MYOM3: variants seen among roughly 807,000 people sequenced by gnomAD.
MYOM3 encodes myomesin 3, also known as myomesin-3.
In MYOM3, 155 loss-of-function variants were observed where a neutral mutation model predicts 191.7. The observed-to-expected ratio is 0.81, with a 90% CI of 0.71 to 0.92. The LOEUF (loss-of-function observed/expected upper bound fraction) is 0.92. Ranked by LOEUF, MYOM3 falls within the 40% of genes least tolerant of loss-of-function variation. The probability of loss-of-function intolerance (pLI) is 0.00; values close to 1 mark genes in which losing one functional copy is unlikely to be tolerated. For synonymous variants in MYOM3, 757 were observed against 762.9 expected (o/e 0.99, Z 0.13); for missense variants, 1,889 against 1,890.6 (o/e 1.00, Z 0.02).
chr1:24,061,586 C>A (rs1013465995), intron 33 of MYOM3, among the ~76,000 whole-genome samples: 8 of 151,758 alleles, frequency 5.3e-5, no homozygotes, highest in Non-Finnish European at 1.2e-4. Context: ...TATTATTATT[C>A]TTTTATTTTT....
intron 16 of MYOM3, 86 bp from the exon 17 acceptor site, chr1:24,082,800 T>C: frequency 6.9e-7 from 1 of 1,455,942 alleles, no homozygotes; most frequent in South Asian, 1.5e-5. Flanking sequence ...GTGGAATAAG[T>C]GGTCACCAGC....
At chr1:24,067,394 C>CT (rs750994689) in intron 27 of MYOM3, among the ~76,000 whole-genome samples, 1 of 35,400 alleles carries the variant, frequency 2.8e-5, no homozygotes, top group Non-Finnish European at 4.8e-5. Context: ...CTTTTTCCTT[C>CT]CTTCCTTCCT....
At chr1:24,089,754 A>G (rs1643792634) in intron 13 of MYOM3, 89 bp from the exon 14 acceptor site, 1 of 1,407,648 alleles carries the variant, frequency 7.1e-7, no homozygotes, top group Admixed American at 2.4e-5. Flanking sequence ...AGGGAACTAC[A>G]CCCCTACCCA....
At chr1:24,108,233 C>T (rs984190269) in intron 2 of MYOM3, 160 bp from the exon 3 acceptor site, 5 of 776,106 alleles carry the variant, frequency 6.4e-6, no homozygotes, top group South Asian at 1.8e-5. Flanking sequence ...TGCATCCCCC[C>T]GACCCTGAAT....
intron 27 of MYOM3, 120 bp from the exon 28 acceptor site, chr1:24,067,208 C>T: frequency 3.1e-6 from 3 of 956,322 alleles, no homozygotes; most frequent in Non-Finnish European, 4.7e-6. Flanking sequence ...TCAGATGCTG[C>T]CTCTGCCAGG....
Position 24,086,765 on chromosome 1 carries a change from T to C in MYOM3, c.1677A>G (p.Arg559=), listed in dbSNP as rs762994879. 13 of 1,614,164 alleles carry C rather than the reference T, an allele frequency of 8.1e-6. No individual in the cohort carries two copies. The highest frequency in any genetic ancestry group is 1.1e-5 in the South Asian group (1 of 91,082). The part of the protein sequence containing the change: ...ISSESPVRSP[R]FAVLDLEKKK... ...TTTTCTCCAGGTCCAGAACGGCGAA[T>C]CTCGGGGATCTCACAGGGCTTTCCG... Residue 559 remains arginine (R), a synonymous_variant, in exon 15 of 37, where the codon AGA becomes AGG. Transcript: ENST00000374434.
intron 2 of MYOM3, 69 bp from the exon 3 acceptor site, chr1:24,108,142 G>A: frequency 3.5e-6 from 5 of 1,445,836 alleles, no homozygotes; most frequent in Non-Finnish European, 4.8e-6. Context: ...GATTAGGGCT[G>A]CATCTGCCCA....
In MYOM3 at chr1:24,084,568, GA is replaced by G. The variant is rs1557609879; in HGVS notation, c.1869del (p.Pro624LeufsTer2). 6.2e-7 allele frequency: 1 copy of G among 1,614,082 alleles called. No individual in the cohort carries two copies. The highest frequency in any genetic ancestry group is 1.7e-5 in the Admixed American group (1 of 60,018). ...DTQTSVSLTW[D>X]PVKDPELLGY... Reference sequence around the variant, plus strand: ...CCCAGGAGCTCTGGGTCTTTCACAGGATCCCATGTCAGGGAGACAGAGGTCT... The same window carrying G: ...CCCAGGAGCTCTGGGTCTTTCACAGGTCCCATGTCAGGGAGACAGAGGTCT... On this transcript the variant is annotated frameshift_variant, in exon 16 of 37. Transcript: ENST00000374434. LOFTEE classifies it high-confidence loss of function.
chr1:24,086,213 A>AG (rs1228512018), intron 15 of MYOM3, among the ~76,000 whole-genome samples: 1 of 152,062 alleles, frequency 6.6e-6, no homozygotes, highest in Non-Finnish European at 1.5e-5. Flanking sequence ...GTCCCCCGTT[A>AG]TGCTGCAGGT....
intron 29 of MYOM3, 132 bp from the exon 30 acceptor site, chr1:24,064,291 C>T (rs1260950439): frequency 1.6e-6 from 1 of 633,712 alleles, no homozygotes; most frequent in Non-Finnish European, 2.7e-6. Context: ...CCTTCTCCTC[C>T]CTGGGCCTCC....
chr1:24,098,425 C>T (rs1643890217), intron 6 of MYOM3, among the ~76,000 whole-genome samples: 1 of 152,248 alleles, frequency 6.6e-6, no homozygotes, highest in African/African-American at 2.4e-5. Flanking sequence ...TTGGTCAAGG[C>T]AGGCTGCAAT....
chr1:24,096,676 G>A (rs1643879688), intron 7 of MYOM3, among the ~76,000 whole-genome samples: 1 of 152,190 alleles, frequency 6.6e-6, no homozygotes, highest in Non-Finnish European at 1.5e-5. Context: ...CCTGTCTACT[G>A]CCCAAGACAG....
Position 24,062,014 on chromosome 1 carries a change from C to T in MYOM3, c.3866G>A (p.Gly1289Asp), listed in dbSNP as rs373807861. ...HILDPKDSDK[G>D]KYTLEIAAGK... ...TGCAGCTATTTCCAGAGTGTATTTG[C>T]CCTTGTCTGAGTCTTTGGGGTCCAG... is the stretch of plus-strand genomic sequence containing the variant. The change falls in exon 33 of 37, where the codon GGC becomes GAC. Residue 1289 changes from glycine to aspartate, a missense_variant. By Grantham distance (94) the Gly-to-Asp change is moderately conservative (BLOSUM62 -1). Transcript: ENST00000374434. 1.5e-5 allele frequency: 24 copies of T among 1,614,224 alleles called. No individual in the cohort carries two copies. In the African/African-American group the frequency reaches 2.5e-4, roughly 17 times the overall value.
chr1:24,081,978 C>T (rs1227315185), intron 18 of MYOM3, 23 bp downstream of exon 18: 5 of 1,594,880 alleles, frequency 3.1e-6, no homozygotes, highest in Non-Finnish European at 3.4e-6. Context: ...ATGACACAGG[C>T]TGGGGCCACC....
chr1:24,090,164 G>A, intron 12 of MYOM3, 46 bp from the exon 13 acceptor site: 3 of 1,510,924 alleles, frequency 2.0e-6, no homozygotes, highest in Non-Finnish European at 2.8e-6. Flanking sequence ...GGCACAGGAG[G>A]AGTTAGGCCA....
intron 25 of MYOM3, among the ~76,000 whole-genome samples, chr1:24,070,014 A>T (rs1334593921): frequency 1.3e-5 from 2 of 152,248 alleles, no homozygotes; most frequent in Non-Finnish European, 2.9e-5. Flanking sequence ...TGACATCGCC[A>T]TGTCAGCAGT....
In MYOM3 at chr1:24,094,918, A is replaced by G. The variant is rs772850721; in HGVS notation, c.863T>C (p.Phe288Ser). 33 of 1,613,904 alleles carry G rather than the reference A, an allele frequency of 2.0e-5. No homozygotes were observed. Among genetic ancestry groups the G allele is most frequent in the Non-Finnish European group, 2.5e-5 (30 of 1,179,996 alleles). The change falls in exon 9 of 37, where the codon TTC becomes TCC. Residue 288 changes from phenylalanine to serine, a missense_variant. By Grantham distance (155) the Phe-to-Ser change is radical (BLOSUM62 -2). Coordinates refer to ENST00000374434, the MANE Select transcript of MYOM3 (RefSeq NM_152372.4). ...TTCCGAAAACAAGCATGACAGGGAG[A>G]AGGGTTCCTTCTCACGAGCAAAGAC... is the stretch of plus-strand genomic sequence containing the variant. ...KPVFAREKEPFSLSCLFSEDV... is the reference protein window; with the variant it reads ...KPVFAREKEPSSLSCLFSEDV...
At chr1:24,088,606 G>C (rs1643775158) in intron 14 of MYOM3, among the ~76,000 whole-genome samples, 1 of 152,142 alleles carries the variant, frequency 6.6e-6, no homozygotes, top group Admixed American at 6.5e-5. Flanking sequence ...CGGAGAAAAA[G>C]GATTACCCAT....
At chr1:24,086,586 C>T (rs1053365568) in intron 15 of MYOM3, 58 bp downstream of exon 15, 28 of 1,554,026 alleles carry the variant, frequency 1.8e-5, no homozygotes, top group Non-Finnish European at 2.4e-5. Flanking sequence ...CCTGCAGCTT[C>T]AGGTCCTGAG....
Sources: allele counts gnomAD v4.1 joint callset (sites outside exome capture counted in the v4.1 genomes callset), GRCh38; gene constraint gnomAD v4.1.1; transcripts MANE v1.5; gene names NCBI Gene and HGNC (gene_info 2026-07-23, HGNC 2026-07-21).